Variants in CCDC178 observed in about 807,000 individuals in gnomAD.
CCDC178 encodes coiled-coil domain containing 178, also known as coiled-coil domain-containing protein 178.
In CCDC178, 126 loss-of-function variants were observed where a neutral mutation model predicts 117.4. The observed-to-expected ratio is 1.07, with a 90% CI of 0.93 to 1.24. CCDC178 has a LOEUF of 1.24. Among genes scored for constraint, CCDC178 ranks in the 50% most tolerant of loss-of-function variants. The pLI, the probability that CCDC178 is intolerant of heterozygous loss-of-function variation, is 0.00. For missense variants in CCDC178, 1,030 were observed against 986.9 expected (o/e 1.04, Z -0.59); for synonymous variants, 283 against 313.4 (o/e 0.90, Z 1.02).
intron 20 of CCDC178, among the ~76,000 whole-genome samples, chr18:33,108,487 T>C (rs1185600551): frequency 6.6e-6 from 1 of 151,658 alleles, no homozygotes; most frequent in African/African-American, 2.4e-5. Flanking sequence ...AATTCTGATA[T>C]GGTATAGAGT....
chr18:33,226,648 A>G (rs2059305852), intron 16 of CCDC178, 145 bp downstream of exon 16: 3 of 492,928 alleles, frequency 6.1e-6, no homozygotes, highest in Non-Finnish European at 3.6e-6. Flanking sequence ...TTGTACACAG[A>G]GGGCAACTGC....
At chr18:33,310,332 T>C (rs1599141239) in intron 11 of CCDC178, among the ~76,000 whole-genome samples, 1 of 150,488 alleles carries the variant, frequency 6.6e-6, no homozygotes, top group African/African-American at 2.5e-5. Flanking sequence ...GTGTATGTCA[T>C]GATAAAGTTT....
intron 15 of CCDC178, among the ~76,000 whole-genome samples, chr18:33,237,063 T>A (rs1028842691): frequency 6.6e-6 from 1 of 152,126 alleles, no homozygotes; most frequent in African/African-American, 2.4e-5. Flanking sequence ...ACCCACCTCC[T>A]GTGAGCCAAG....
At chr18:33,196,381 C>T (rs769118925) in intron 20 of CCDC178, among the ~76,000 whole-genome samples, 2 of 152,068 alleles carry the variant, frequency 1.3e-5, no homozygotes, top group African/African-American at 2.4e-5. Flanking sequence ...ACGGAAGCTC[C>T]GTATTTAGAC....
At chr18:33,099,685 CCTT>C (rs2057595682) in intron 20 of CCDC178, among the ~76,000 whole-genome samples, 3 of 151,862 alleles carry the variant, frequency 2.0e-5, no homozygotes, top group African/African-American at 2.4e-5. Flanking sequence ...ATTGCTGCTC[CCTT>C]AAAATCTATA....
At chr18:33,314,200 CAAAAAAAAAAAAAA>C (rs869127341) in intron 11 of CCDC178, among the ~76,000 whole-genome samples, 22,347 of 62,032 alleles carry the variant, frequency 0.36, 2,126 homozygotes, top group East Asian at 0.54. Flanking sequence ...GACTCCGTCT[CAAAAAAAAAAAAAA>C]AAAAAAAAAA....
chr18:33,378,214 G>C (rs1257897940), intron 5 of CCDC178, among the ~76,000 whole-genome samples: 1 of 152,158 alleles, frequency 6.6e-6, no homozygotes, highest in Non-Finnish European at 1.5e-5. Context: ...TATTGGAAAT[G>C]GAACTGCATT....
chr18:32,994,666 C>T (rs970383926), intron 21 of CCDC178, among the ~76,000 whole-genome samples: 3 of 152,106 alleles, frequency 2.0e-5, no homozygotes, highest in African/African-American at 7.2e-5. Flanking sequence ...AAGTTTATTG[C>T]TGCGGTCAAT....
At chr18:33,424,080 T>C (rs1048331309) in intron 2 of CCDC178, among the ~76,000 whole-genome samples, 19 of 152,226 alleles carry the variant, frequency 1.2e-4, no homozygotes, top group African/African-American at 4.6e-4. Context: ...TAGCCATTTT[T>C]CCCTCCTTTA....
At chr18:33,159,034 A>G (rs938140293) in intron 20 of CCDC178, among the ~76,000 whole-genome samples, 1 of 152,060 alleles carries the variant, frequency 6.6e-6, no homozygotes, top group African/African-American at 2.4e-5. Flanking sequence ...GCATAATAGA[A>G]CTCACTTTTT....
At chr18:32,974,786 G>A (rs1250521001) in intron 21 of CCDC178, 105 bp from the exon 22 acceptor site, 5 of 1,118,990 alleles carry the variant, frequency 4.5e-6, no homozygotes, top group Non-Finnish European at 6.5e-6. Flanking sequence ...GCAGTCAATA[G>A]CCCATTCTGC....
chr18:33,101,368 G>A (rs1470636543), intron 20 of CCDC178, among the ~76,000 whole-genome samples: 5 of 151,736 alleles, frequency 3.3e-5, no homozygotes, highest in African/African-American at 7.3e-5. Context: ...TGTACCTCCT[G>A]ATTTGAACAG....
In CCDC178 at chr18:33,326,841, T is replaced by C. The variant is rs548358101; in HGVS notation, c.880-3208A>G. Among the ~76,000 whole-genome samples the C allele has an allele frequency of 1.8e-4, 28 of 152,050 alleles. 1 individual carries two copies. The South Asian group carries it at 2.9e-3, about 16-fold the overall frequency. On this transcript the variant is annotated intron_variant, in intron 10 of 22. Transcript: ENST00000383096. The stretch of plus-strand genomic sequence containing the variant: ...AGACATCAAGTCTACCTCCCAGGTA[T>C]TGGGTTGTGCACTTAAAGAGGTATA...
rs979864179 is a variant in CCDC178, at chr18:32,937,526, G to A, written c.*485C>T. 4 of 153,522 alleles carry A rather than the reference G, an allele frequency of 2.6e-5. No homozygotes were observed. Among genetic ancestry groups the A allele is most frequent in the African/African-American group, 9.7e-5 (4 of 41,402 alleles). The allele number at this position is 153,522 out of a possible 1,614,324, so 9.5% of individuals were successfully genotyped here. A position where few individuals can be genotyped will look rare whatever the true frequency, so the allele number is the denominator to read the frequency against. On this transcript the variant is annotated 3_prime_UTR_variant, in exon 23 of 23. Coordinates refer to ENST00000383096, the MANE Select transcript of CCDC178 (RefSeq NM_001105528.4). Reference sequence around the variant, plus strand: ...GATTGAGAGAGACAGCTCTCAGTGAGCTAAAAAAGACTGGTAAACACAAAA... The same window carrying A: ...GATTGAGAGAGACAGCTCTCAGTGAACTAAAAAAGACTGGTAAACACAAAA...
chr18:32,999,857 C>T (rs770115095), intron 21 of CCDC178, among the ~76,000 whole-genome samples: 3 of 151,968 alleles, frequency 2.0e-5, no homozygotes, highest in South Asian at 4.2e-4. Context: ...CATTCAAATG[C>T]TTGGAAAACC....
chr18:33,068,042 T>C (rs1449630308), intron 21 of CCDC178, among the ~76,000 whole-genome samples: 3 of 151,898 alleles, frequency 2.0e-5, no homozygotes, highest in African/African-American at 7.3e-5. Context: ...TATGAACAAT[T>C]ACATGGTAAA....
rs1427242225 is a variant in CCDC178 at position 33,094,541 on chromosome 18, G to A, written c.2239-1631C>T. Among the ~76,000 whole-genome samples the A allele has an allele frequency of 2.0e-5, 3 of 151,680 alleles. No individual in the cohort carries two copies. The East Asian group carries it at 5.8e-4, about 29-fold the overall frequency. ...ATATCTGAGACATCCTACTTCTCAG[G>A]TGCTTTTCTTTCCATTTCTAGGTGG... On this transcript the variant is annotated intron_variant, in intron 20 of 22. Coordinates refer to ENST00000383096, the MANE Select transcript of CCDC178 (RefSeq NM_001105528.4).
At chr18:33,393,849 T>C (rs1367091433) in intron 4 of CCDC178, among the ~76,000 whole-genome samples, 2 of 152,068 alleles carry the variant, frequency 1.3e-5, no homozygotes, top group Non-Finnish European at 2.9e-5. Flanking sequence ...GTTAAATGAG[T>C]GTGTATATAA....
intron 22 of CCDC178, among the ~76,000 whole-genome samples, chr18:32,971,397 C>T (rs2054922826): frequency 1.3e-5 from 2 of 152,116 alleles, no homozygotes; most frequent in South Asian, 4.1e-4. Context: ...TGTATATGTG[C>T]CACATTTTCT....
Sources: allele counts gnomAD v4.1 joint callset (sites outside exome capture counted in the v4.1 genomes callset), GRCh38; gene constraint gnomAD v4.1.1; transcripts MANE v1.5; gene names NCBI Gene and HGNC (gene_info 2026-07-23, HGNC 2026-07-21).